UNC5B: variants seen among roughly 807,000 people sequenced by gnomAD.
UNC5B encodes the protein netrin receptor UNC5B.
In UNC5B, 56 loss-of-function variants were observed where a neutral mutation model predicts 103.7. The observed-to-expected ratio is 0.54, with a 90% CI of 0.44 to 0.67. The LOEUF is 0.67. UNC5B is among the 30% of genes least tolerant of loss of function. The pLI is 0.00. For synonymous variants in UNC5B, 577 were observed against 542.0 expected (o/e 1.06, Z -0.90); for missense variants, 1,194 against 1,284.5 (o/e 0.93, Z 1.08).
At chr10:71,289,797 TG>T (rs1214470466) in intron 8 of UNC5B, among the ~76,000 whole-genome samples, 1 of 151,848 alleles carries the variant, frequency 6.6e-6, no homozygotes, top group African/African-American at 2.4e-5. Flanking sequence ...AGCCCAAGAG[TG>T]AGGGCTGCTG....
At chr10:71,231,309 C>T (rs1843678168) in intron 1 of UNC5B, among the ~76,000 whole-genome samples, 2 of 152,188 alleles carry the variant, frequency 1.3e-5, no homozygotes, top group African/African-American at 4.8e-5. Flanking sequence ...CTAGAGTCGT[C>T]ATTTCACACA....
At chr10:71,225,585 G>A (rs189706286) in intron 1 of UNC5B, among the ~76,000 whole-genome samples, 34 of 152,348 alleles carry the variant, frequency 2.2e-4, no homozygotes, top group Non-Finnish European at 4.4e-4. Context: ...CACACCATCT[G>A]CCATGCCCAC....
In UNC5B at chr10:71,229,135, G is replaced by A. The variant is rs528605572; in HGVS notation, c.79+16071G>A. On this transcript the variant is annotated intron_variant, in intron 1 of 16. Transcript: ENST00000335350. ...CCTCCACCAACGTGATTGTTGTCTC[G>A]CTAAAGAGCTGTTGATTGATGGACG... is the stretch of plus-strand genomic sequence containing the variant. Among the ~76,000 whole-genome samples, 4 of 152,194 alleles carry A rather than the reference G, an allele frequency of 2.6e-5. No individual in the cohort carries two copies. In the South Asian group the frequency reaches 6.2e-4, roughly 24 times the overall value.
intron 1 of UNC5B, among the ~76,000 whole-genome samples, chr10:71,250,111 C>T (rs940824256): frequency 8.5e-5 from 13 of 152,230 alleles, no homozygotes; most frequent in African/African-American, 3.1e-4. Context: ...GAGCCCATGG[C>T]AAACCCCGCT....
chr10:71,268,230 G>A (rs1231118472), intron 1 of UNC5B, among the ~76,000 whole-genome samples: 1 of 152,166 alleles, frequency 6.6e-6, no homozygotes, highest in Non-Finnish European at 1.5e-5. Flanking sequence ...CCCTCTCCTC[G>A]TGGCACCATC....
At chr10:71,256,885 A>T (rs1259907356) in intron 1 of UNC5B, among the ~76,000 whole-genome samples, 5 of 152,224 alleles carry the variant, frequency 3.3e-5, no homozygotes, top group Non-Finnish European at 7.3e-5. Context: ...GAACCCTGGG[A>T]TGTCACAAGA....
At chr10:71,239,402 G>A (rs1843839261) in intron 1 of UNC5B, among the ~76,000 whole-genome samples, 1 of 152,132 alleles carries the variant, frequency 6.6e-6, no homozygotes, top group South Asian at 2.1e-4. Flanking sequence ...GGGCCTGAGG[G>A]TGGCCATCGA....
At chr10:71,290,505 T>A (rs114980785) in intron 8 of UNC5B, among the ~76,000 whole-genome samples, 4 of 152,130 alleles carry the variant, frequency 2.6e-5, no homozygotes. Context: ...CTTATCTACA[T>A]ACAAAGATAA....
At chr10:71,262,692 A>G (rs1383149114) in intron 1 of UNC5B, among the ~76,000 whole-genome samples, 1 of 152,188 alleles carries the variant, frequency 6.6e-6, no homozygotes, top group Admixed American at 6.5e-5. Context: ...AGAAGTCCAC[A>G]TTGATGGCAA....
In UNC5B at chr10:71,212,926, C is replaced by A; in HGVS notation, c.-60C>A. On this transcript the variant is annotated 5_prime_UTR_variant, in exon 1 of 17. Transcript: ENST00000335350. ...GCGGCGGCGGCGGAGACGGCGGCGGCGAGACTGGGGCCAGGGAGACAGCCC... is the reference window on the plus strand; with the variant it reads ...GCGGCGGCGGCGGAGACGGCGGCGGAGAGACTGGGGCCAGGGAGACAGCCC... The A allele has an allele frequency of 8.2e-7, 1 of 1,220,614 alleles. No individual in the cohort carries two copies. Among genetic ancestry groups the A allele is most frequent in the Non-Finnish European group, 1.0e-6 (1 of 971,570 alleles). 75.6% of individuals were successfully genotyped at this position (1,220,614 alleles called of 1,614,324 possible). A position where few individuals can be genotyped will look rare whatever the true frequency, so the allele number is the denominator to read the frequency against.
intron 1 of UNC5B, among the ~76,000 whole-genome samples, chr10:71,229,607 G>C (rs1191303086): frequency 3.3e-5 from 5 of 152,174 alleles, no homozygotes; most frequent in Non-Finnish European, 7.3e-5. Flanking sequence ...GCTTGCCCGA[G>C]CTCCCGGAGG....
intron 13 of UNC5B, among the ~76,000 whole-genome samples, chr10:71,294,774 G>C (rs1479122697): frequency 6.6e-6 from 1 of 151,884 alleles, no homozygotes; most frequent in East Asian, 1.9e-4. Flanking sequence ...GGGAGGGAAG[G>C]GGAGGGAAGG....
Position 71,287,606 on chromosome 10 carries a change from G to A in UNC5B, c.742G>A (p.Gly248Ser), listed in dbSNP as rs775394233. 27 of 1,596,374 alleles carry A rather than the reference G, an allele frequency of 1.7e-5. No homozygotes were observed. Among genetic ancestry groups the A allele is most frequent in the South Asian group, 3.3e-5 (3 of 89,750 alleles). Residue 248 changes from glycine (G) to serine (S), a missense_variant, in exon 6 of 17, where the codon GGC (glycine) becomes AGC (serine). Coordinates refer to ENST00000335350, the MANE Select transcript of UNC5B (RefSeq NM_170744.5). ...CAGCTGCCGCCTTGCAGTGAATGGC[G>A]GCTGGTCCAGCTGGGCAGAGTGGTC... is the stretch of plus-strand genomic sequence containing the variant. ...TATVIVYVNG[G>S]WSSWAEWSPC... is the part of the protein sequence containing the mutation.
intron 2 of UNC5B, among the ~76,000 whole-genome samples, chr10:71,282,997 G>A (rs1247056731): frequency 2.0e-5 from 3 of 152,198 alleles, no homozygotes; most frequent in Non-Finnish European, 2.9e-5. Context: ...GCAGGCGCCT[G>A]TAGTCCCAGC....
chr10:71,270,366 GGGA>G (rs1844615370), intron 1 of UNC5B, among the ~76,000 whole-genome samples: 1 of 130,700 alleles, frequency 7.7e-6, no homozygotes, highest in Non-Finnish European at 1.7e-5. Flanking sequence ...GAGGGAGGGA[GGGA>G]GGGTGGGAGG....
At chr10:71,283,693 G>T (rs1844989470) in intron 2 of UNC5B, among the ~76,000 whole-genome samples, 1 of 152,144 alleles carries the variant, frequency 6.6e-6, no homozygotes, top group Non-Finnish European at 1.5e-5. Context: ...CCCTTTCCTG[G>T]CAGGTTCCCC....
rs917608814 is a variant in UNC5B, at chr10:71,290,738, G to A, written c.1100-177G>A. 3.9e-5 allele frequency among the ~76,000 whole-genome samples: 6 copies of A among 152,310 alleles called. No homozygotes were observed. In the East Asian group the frequency reaches 7.7e-4, roughly 20 times the overall value. On this transcript the variant is annotated intron_variant, in intron 8 of 16. Transcript: ENST00000335350. ...GCAGGGACTTCGAGCCCATTTTACC[G>A]ATAGAGAGGTTCAAGGCTAGCCCGA... is the stretch of plus-strand genomic sequence containing the variant.
At chr10:71,266,454 G>A (rs1300929783) in intron 1 of UNC5B, among the ~76,000 whole-genome samples, 5 of 152,168 alleles carry the variant, frequency 3.3e-5, no homozygotes, top group Non-Finnish European at 4.4e-5. Context: ...GGAGCGGGCC[G>A]AGCCCTGAGC....
chr10:71,291,497 G>C lies in UNC5B; in HGVS notation c.1360G>C (p.Gly454Arg). 6.2e-7 allele frequency: 1 copy of C among 1,614,018 alleles called. No individual in the cohort carries two copies. The highest frequency in any genetic ancestry group is 8.5e-7 in the Non-Finnish European group (1 of 1,179,998). ...DLTASAGIYR[G>R]PVYALQDSTD... Reference sequence around the variant, plus strand: ...GACAGCCAGCGCCGGCATCTACCGCGGACCCGTGTATGCCCTGCAGGACTC... The same window carrying C: ...GACAGCCAGCGCCGGCATCTACCGCCGACCCGTGTATGCCCTGCAGGACTC... The change falls in exon 10 of 17, where the codon GGA becomes CGA. Residue 454 changes from glycine to arginine, a missense_variant. Transcript: ENST00000335350.
Sources: gnomAD v4.1 joint callset for allele counts (sites outside exome capture counted in the v4.1 genomes callset) on GRCh38, gnomAD v4.1.1 for gene constraint, MANE v1.5 for transcripts, NCBI Gene and HGNC (gene_info 2026-07-23, HGNC 2026-07-21) for gene names.